VDR: variants seen among roughly 807,000 people sequenced by gnomAD.
VDR encodes vitamin D3 receptor.
VDR carries 19 observed loss-of-function variants against 39.7 expected under a neutral mutation model. The ratio of observed to expected loss-of-function variants is 0.48; its 90% CI spans 0.33 to 0.70. The LOEUF (loss-of-function observed/expected upper bound fraction) is 0.70. Among genes scored for constraint, VDR ranks in the 30% least tolerant of loss-of-function variants. The pLI, the probability that VDR is intolerant of heterozygous loss-of-function variation, is 0.02. For synonymous variants in VDR, 242 were observed against 215.8 expected, an observed-to-expected ratio of 1.12 and a Z score of -1.07; for missense variants, 442 against 570.5, an observed-to-expected ratio of 0.77 and a Z score of 2.29.
chr12:47,890,576 G>C lies in VDR; in HGVS notation c.-83-7802C>G, dbSNP rs12302587. 8.9e-4 allele frequency among the ~76,000 whole-genome samples: 135 copies of C among 151,940 alleles called. 1 individual carries two copies. Among genetic ancestry groups the C allele is most frequent in the African/African-American group, 3.1e-3 (129 of 41,398 alleles). On this transcript the variant is annotated intron_variant, in intron 1 of 9. Coordinates refer to ENST00000549336, the MANE Select transcript of VDR (RefSeq NM_000376.3). ...AAGAGCAGAGGACTGGCTCCTGGGGGCAGACAGGCTGTCTTGCTTCTCCTC... is the reference window on the plus strand; with the variant it reads ...AAGAGCAGAGGACTGGCTCCTGGGGCCAGACAGGCTGTCTTGCTTCTCCTC...
intron 7 of VDR, among the ~76,000 whole-genome samples, chr12:47,852,154 C>T (rs192811801): frequency 4.6e-5 from 7 of 152,274 alleles, no homozygotes; most frequent in African/African-American, 1.4e-4. Context: ...GGGCAGCTTT[C>T]CCGTGTATGC....
chr12:47,878,167 C>A (rs1051353786), intron 3 of VDR, among the ~76,000 whole-genome samples: 7 of 152,222 alleles, frequency 4.6e-5, no homozygotes, highest in African/African-American at 1.4e-4. Flanking sequence ...CCAGTCTAGA[C>A]CGCTAGACAG....
intron 4 of VDR, 53 bp from the exon 5 acceptor site, chr12:47,857,741 AC>A: frequency 6.3e-7 from 1 of 1,597,482 alleles, no homozygotes; most frequent in Non-Finnish European, 8.6e-7. Flanking sequence ...CCTCCAGGAA[AC>A]CTTCCTCCTG....
chr12:47,897,881 G>C (rs1321735646), intron 1 of VDR, among the ~76,000 whole-genome samples: 2 of 152,222 alleles, frequency 1.3e-5, no homozygotes, highest in Non-Finnish European at 2.9e-5. Flanking sequence ...GCCCAGGACA[G>C]ACATGAATCC....
At chr12:47,855,347 T>TAAATAAATAAAC (rs1945461804) in intron 7 of VDR, among the ~76,000 whole-genome samples, 1 of 144,806 alleles carries the variant, frequency 6.9e-6, no homozygotes, top group Non-Finnish European at 1.5e-5. Flanking sequence ...TAAAAATAAA[T>TAAATAAATAAAC]AAATAAATAA....
Position 47,880,345 on chromosome 12 carries a change from C to T in VDR, c.-2-1230G>A, listed in dbSNP as rs965507229. 1.8e-4 allele frequency among the ~76,000 whole-genome samples: 27 copies of T among 152,112 alleles called. 1 individual carries two copies. Among genetic ancestry groups the T allele is most frequent in the Non-Finnish European group, 1.5e-5 (1 of 68,020 alleles). On this transcript the variant is annotated intron_variant, in intron 2 of 9. Transcript: ENST00000549336. ...ACTTTTCAATGACTAGGCCCATGATCTCTGATCTAGGGTGTGGAATATCAA... is the reference window on the plus strand; with the variant it reads ...ACTTTTCAATGACTAGGCCCATGATTTCTGATCTAGGGTGTGGAATATCAA...
chr12:47,893,916 C>A (rs548000694), intron 1 of VDR, among the ~76,000 whole-genome samples: 1 of 152,332 alleles, frequency 6.6e-6, no homozygotes, highest in South Asian at 2.1e-4. Flanking sequence ...ACCCTCAGAG[C>A]TATAATTGAA....
At chr12:47,863,279 C>T (rs948003727) in intron 4 of VDR, among the ~76,000 whole-genome samples, 1 of 152,192 alleles carries the variant, frequency 6.6e-6, no homozygotes, top group Non-Finnish European at 1.5e-5. Flanking sequence ...GAGGTCTTTA[C>T]CTCTCTGAGT....
intron 5 of VDR, 87 bp downstream of exon 5, chr12:47,857,417 C>A: frequency 6.2e-7 from 1 of 1,607,250 alleles, no homozygotes; most frequent in Non-Finnish European, 8.5e-7. Flanking sequence ...TCAGGATGTC[C>A]CCTGCCCTCT....
At chr12:47,893,679 A>G (rs1298327334) in intron 1 of VDR, among the ~76,000 whole-genome samples, 1 of 152,170 alleles carries the variant, frequency 6.6e-6, no homozygotes, top group Non-Finnish European at 1.5e-5. Flanking sequence ...TGCCTCCACC[A>G]GTCCACTCAG....
At chr12:47,869,861 C>A (rs1009471951) in intron 3 of VDR, among the ~76,000 whole-genome samples, 12 of 152,128 alleles carry the variant, frequency 7.9e-5, no homozygotes, top group Non-Finnish European at 1.2e-4. Context: ...TGTGCCACTG[C>A]ACTTCAGTGT....
At position 47,853,208 on chromosome 12, in the gene VDR, C is replaced by T. The variant is rs146842595; in HGVS notation, c.755+2422G>A. On this transcript the variant is annotated intron_variant, in intron 7 of 9. Coordinates refer to ENST00000549336, the MANE Select transcript of VDR (RefSeq NM_000376.3). ...CTGTAATCCCAGCACTTTGGGAGGC[C>T]GAGACAGGCGGATCACGAGGTCAGG... is the stretch of plus-strand genomic sequence containing the variant. Among the ~76,000 whole-genome samples the T allele has an allele frequency of 6.3e-3, 915 of 144,348 alleles. 17 individuals are homozygous for T. The highest frequency in any genetic ancestry group is 0.023 in the African/African-American group (881 of 38,952). The allele number at this position is 144,348 out of a possible 152,430, so 94.7% of individuals were successfully genotyped here.
At chr12:47,864,976 C>G (rs1945698022) in intron 4 of VDR, 71 bp downstream of exon 4, 2 of 1,603,468 alleles carry the variant, frequency 1.2e-6, no homozygotes, top group East Asian at 4.5e-5. Flanking sequence ...CCCAAACTTG[C>G]AGGAGAGTGG....
At chr12:47,860,554 C>G (rs575385145) in intron 4 of VDR, among the ~76,000 whole-genome samples, 1 of 152,196 alleles carries the variant, frequency 6.6e-6, no homozygotes, top group Admixed American at 6.5e-5. Context: ...AACCTTGTAA[C>G]GGAACACTTT....
intron 7 of VDR, among the ~76,000 whole-genome samples, chr12:47,851,772 A>T (rs1444457448): frequency 6.6e-6 from 1 of 152,136 alleles, no homozygotes; most frequent in Non-Finnish European, 1.5e-5. Flanking sequence ...CTCCATTTTC[A>T]TTGGCATACC....
chr12:47,880,989 G>A (rs923211440), intron 2 of VDR, among the ~76,000 whole-genome samples: 7 of 149,896 alleles, frequency 4.7e-5, no homozygotes, highest in Non-Finnish European at 5.9e-5. Flanking sequence ...AAAGAGAGAA[G>A]CACTTTCAGA....
intron 7 of VDR, among the ~76,000 whole-genome samples, chr12:47,850,235 C>T (rs983084786): frequency 2.6e-5 from 4 of 152,144 alleles, no homozygotes; most frequent in African/African-American, 9.7e-5. Flanking sequence ...CATACTGGAG[C>T]TTATACTAAT....
chr12:47,845,291 G>T (rs1186355772), intron 9 of VDR, among the ~76,000 whole-genome samples: 5 of 151,718 alleles, frequency 3.3e-5, no homozygotes, highest in Admixed American at 6.6e-5. Context: ...GTCCCGATGC[G>T]CCATGCTCTC....
intron 3 of VDR, among the ~76,000 whole-genome samples, chr12:47,876,382 T>C (rs7974708): frequency 0.27 from 40,630 of 152,050 alleles, 6,154 homozygotes; most frequent in Non-Finnish European, 0.34. Context: ...TTCTCTTTCA[T>C]CCACATCCTC....
Sources: allele counts gnomAD v4.1 joint callset (sites outside exome capture counted in the v4.1 genomes callset), GRCh38; gene constraint gnomAD v4.1.1; transcripts MANE v1.5; gene names NCBI Gene and HGNC (gene_info 2026-07-23, HGNC 2026-07-21).